Variants in ATP8A2 observed in about 807,000 individuals in gnomAD.
The protein encoded by ATP8A2 is ATPase phospholipid transporting 8A2.
In ATP8A2, 100 loss-of-function variants were observed where a neutral mutation model predicts 165.6. The ratio of observed to expected loss-of-function variants is 0.60; its 90% CI spans 0.51 to 0.71. The LOEUF is 0.71. Ranked by LOEUF, ATP8A2 falls within the 30% of genes least tolerant of loss-of-function variation. The pLI is 0.00. For synonymous variants in ATP8A2, 543 were observed against 548.8 expected, an observed-to-expected ratio of 0.99 and a Z score of 0.15; for missense variants, 1,227 against 1,479.5, an observed-to-expected ratio of 0.83 and a Z score of 2.80.
intron 35 of ATP8A2, among the ~76,000 whole-genome samples, chr13:26,002,848 CTG>C (rs199795279): frequency 0.16 from 21,779 of 134,372 alleles, 1,785 homozygotes; most frequent in East Asian, 0.38. Flanking sequence ...TAGTATTCCA[CTG>C]TGTGTGTGTG....
intron 24 of ATP8A2, among the ~76,000 whole-genome samples, chr13:25,614,717 C>T (rs1372267674): frequency 1.3e-5 from 2 of 152,174 alleles, no homozygotes; most frequent in East Asian, 3.9e-4. Flanking sequence ...GTGCTCTCCG[C>T]CTTTTCCTAG....
chr13:25,802,384 G>A (rs531421836), intron 27 of ATP8A2, among the ~76,000 whole-genome samples: 1 of 152,234 alleles, frequency 6.6e-6, no homozygotes, highest in South Asian at 2.1e-4. Flanking sequence ...GATGACTAAT[G>A]CCTGCTAAAT....
chr13:25,755,319 C>T (rs765905799), intron 25 of ATP8A2, among the ~76,000 whole-genome samples: 20 of 152,178 alleles, frequency 1.3e-4, no homozygotes, highest in African/African-American at 4.1e-4. Flanking sequence ...GGCATACTGA[C>T]CCTGCCAAAG....
chr13:25,588,346 A>G (rs1001303248), intron 23 of ATP8A2, among the ~76,000 whole-genome samples: 4 of 152,084 alleles, frequency 2.6e-5, no homozygotes, highest in Admixed American at 2.0e-4. Context: ...ATTTTTGTCT[A>G]TCTTGAATTT....
intron 33 of ATP8A2, among the ~76,000 whole-genome samples, chr13:25,952,431 A>G (rs908097100): frequency 1.3e-5 from 2 of 151,176 alleles, no homozygotes; most frequent in South Asian, 4.2e-4. Flanking sequence ...CCTAAACTGG[A>G]GTGCAGTGGC....
chr13:25,470,056 T>C (rs2035800836), intron 2 of ATP8A2, among the ~76,000 whole-genome samples: 1 of 152,232 alleles, frequency 6.6e-6, no homozygotes, highest in African/African-American at 2.4e-5. Context: ...CAATCCAGTG[T>C]TCTTTTTTGG....
At position 25,679,832 on chromosome 13, in the gene ATP8A2, C is replaced by T. The variant is rs2042446520; in HGVS notation, c.2212-19341C>T. ...GTCAGTGTCTTTCTCCTTTGATGCT[C>T]TATAGATTGAGTTGAGAACATAGAT... On this transcript the variant is annotated intron_variant, in intron 24 of 36. Coordinates refer to ENST00000381655, the MANE Select transcript of ATP8A2 (RefSeq NM_016529.6). Among the ~76,000 whole-genome samples the T allele has an allele frequency of 5.3e-5, 8 of 151,994 alleles. No individual in the cohort carries two copies. The South Asian group carries it at 1.5e-3, about 28-fold the overall frequency.
At chr13:25,941,101 A>G (rs1955058127) in intron 33 of ATP8A2, among the ~76,000 whole-genome samples, 1 of 152,170 alleles carries the variant, frequency 6.6e-6, no homozygotes, top group Admixed American at 6.5e-5. Context: ...TGACTCCTCC[A>G]GGAAGGGAGA....
At chr13:25,415,809 T>C (rs1395525572) in intron 1 of ATP8A2, among the ~76,000 whole-genome samples, 1 of 152,140 alleles carries the variant, frequency 6.6e-6, no homozygotes, top group Non-Finnish European at 1.5e-5. Flanking sequence ...GTCTCCTTAG[T>C]CACTTGGTCC....
intron 33 of ATP8A2, among the ~76,000 whole-genome samples, chr13:25,897,502 A>G (rs1446701202): frequency 6.6e-6 from 1 of 152,004 alleles, no homozygotes; most frequent in Non-Finnish European, 1.5e-5. Context: ...GAATGTGACA[A>G]TTATGTGTCT....
intron 35 of ATP8A2, among the ~76,000 whole-genome samples, chr13:26,004,740 A>G (rs188120232): frequency 5.5e-4 from 84 of 152,092 alleles, no homozygotes; most frequent in African/African-American, 1.9e-3. Flanking sequence ...TTCTGCATCT[A>G]TTGAGATGAT....
chr13:26,017,022 C>T (rs1305926685), intron 36 of ATP8A2, among the ~76,000 whole-genome samples: 1 of 152,186 alleles, frequency 6.6e-6, no homozygotes, highest in Non-Finnish European at 1.5e-5. Context: ...CCACCCTGAC[C>T]CCATGCTGCA....
At chr13:25,907,735 C>CCTCCA (rs1292625908) in intron 33 of ATP8A2, among the ~76,000 whole-genome samples, 1 of 152,158 alleles carries the variant, frequency 6.6e-6, no homozygotes, top group Non-Finnish European at 1.5e-5. Context: ...CTTTACACTC[C>CCTCCA]CTCCACTCCA....
At chr13:25,894,727 T>C (rs1038724992) in intron 33 of ATP8A2, among the ~76,000 whole-genome samples, 8 of 152,206 alleles carry the variant, frequency 5.3e-5, no homozygotes, top group Admixed American at 4.6e-4. Context: ...TGGTTTGTAG[T>C]TCTCCTTGAA....
chr13:25,520,601 T>TG (rs368116176), intron 2 of ATP8A2, among the ~76,000 whole-genome samples: 15 of 146,734 alleles, frequency 1.0e-4, no homozygotes, highest in African/African-American at 3.9e-4. Flanking sequence ...GTTTTTTTTT[T>TG]TTTTGTTTTT....
chr13:25,703,606 A>AT (rs1230926301), intron 25 of ATP8A2, among the ~76,000 whole-genome samples: 1 of 152,188 alleles, frequency 6.6e-6, no homozygotes, highest in Non-Finnish European at 1.5e-5. Context: ...TTATTGAGCC[A>AT]TAAAAAAAAA....
intron 33 of ATP8A2, among the ~76,000 whole-genome samples, chr13:25,935,746 A>G (rs1460735931): frequency 1.3e-5 from 2 of 152,164 alleles, no homozygotes; most frequent in Non-Finnish European, 2.9e-5. Flanking sequence ...CCATGGTCCA[A>G]ACACCTCCCA....
At position 25,532,298 on chromosome 13, in the gene ATP8A2, T is replaced by A; in HGVS notation, c.447T>A (p.Val149=). ...AGCGACACAAGGCAGACAATGCAGT[T>A]AACAAAAAGAAAACAATAGGTAAGA... The part of the protein sequence containing the change: ...DFKRHKADNA[V]NKKKTIVLRN... The change falls in exon 5 of 37, where the codon GTT becomes GTA. Residue 149 remains valine, a synonymous_variant. Coordinates refer to ENST00000381655, the MANE Select transcript of ATP8A2 (RefSeq NM_016529.6). 1.2e-6 allele frequency: 2 copies of A among 1,610,906 alleles called. No homozygotes were observed. The highest frequency in any genetic ancestry group is 1.7e-6 in the Non-Finnish European group (2 of 1,179,092).
chr13:25,963,410 AG>A (rs1566308607), intron 34 of ATP8A2, among the ~76,000 whole-genome samples: 4 of 140,878 alleles, frequency 2.8e-5, no homozygotes, highest in African/African-American at 2.5e-5. Flanking sequence ...AAAAAAAAAA[AG>A]AAAAGAAAAG....
Sources: allele counts gnomAD v4.1 joint callset (sites outside exome capture counted in the v4.1 genomes callset), GRCh38; gene constraint gnomAD v4.1.1; transcripts MANE v1.5; gene names NCBI Gene and HGNC (gene_info 2026-07-23, HGNC 2026-07-21).